Variants in ADGRB1 observed in about 807,000 individuals in gnomAD.
The protein encoded by ADGRB1 is adhesion G protein-coupled receptor B1, also known as brain-specific angiogenesis inhibitor 1.
A neutral mutation model predicts 175.7 loss-of-function variants in ADGRB1; 36 were observed. The ratio of observed to expected loss-of-function variants is 0.20; its 90% CI spans 0.16 to 0.27. The LOEUF is 0.27. Among genes scored for constraint, ADGRB1 ranks in the 10% least tolerant of loss-of-function variants. ADGRB1 has a pLI of 1.00. For synonymous variants in ADGRB1, 1,054 were observed against 979.4 expected (o/e 1.08, Z -1.42); for missense variants, 1,731 against 2,255.3 (o/e 0.77, Z 4.71).
chr8:142,453,556 T>C (rs1171345101), intron 1 of ADGRB1, among the ~76,000 whole-genome samples: 3 of 152,094 alleles, frequency 2.0e-5, no homozygotes, highest in Non-Finnish European at 4.4e-5. Flanking sequence ...GACTTCTGGG[T>C]AAACACGCAC....
At chr8:142,522,390 T>C (rs1312640586) in intron 21 of ADGRB1, among the ~76,000 whole-genome samples, 1 of 152,192 alleles carries the variant, frequency 6.6e-6, no homozygotes, top group East Asian at 1.9e-4. Context: ...AAAAAGATGA[T>C]TCCTGATTTC....
intron 18 of ADGRB1, among the ~76,000 whole-genome samples, chr8:142,515,689 G>T (rs533536150): frequency 6.6e-6 from 1 of 152,158 alleles, no homozygotes; most frequent in South Asian, 2.1e-4. Flanking sequence ...TCAGCTCTGC[G>T]CTGGTAAAGT....
chr8:142,484,593 G>T (rs1264884282), intron 12 of ADGRB1, 63 bp from the exon 13 acceptor site: 5 of 1,449,340 alleles, frequency 3.4e-6, no homozygotes, highest in East Asian at 2.4e-5. Context: ...GGGAAGGGAA[G>T]GAGGCAGGGG....
In ADGRB1 at chr8:142,464,432, G is replaced by T; in HGVS notation, c.234G>T (p.Arg78=). 6.4e-7 allele frequency: 1 copy of T among 1,564,456 alleles called. No homozygotes were observed. ...GGACGCTACGCAACCCGGACCCGCG[G>T]CGCTACACTCTCTACATGAAGGTGG... The part of the protein sequence containing the change: ...CSWTLRNPDP[R]RYTLYMKVAK... Residue 78 remains arginine (R), a synonymous_variant, in exon 2 of 31, where the codon CGG becomes CGT. Coordinates refer to ENST00000517894, the MANE Select transcript of ADGRB1 (RefSeq NM_001702.3).
chr8:142,522,534 T>A (rs1843912895), intron 21 of ADGRB1, 107 bp from the exon 22 acceptor site: 1 of 1,149,712 alleles, frequency 8.7e-7, no homozygotes, highest in Non-Finnish European at 1.2e-6. Context: ...GTTGGGGGCT[T>A]CAGAAGCGCC....
chr8:142,463,987 T>A lies in ADGRB1; in HGVS notation c.-212T>A. 1 of 378,624 alleles carries A rather than the reference T, an allele frequency of 2.6e-6. No individual in the cohort carries two copies. Among genetic ancestry groups the A allele is most frequent in the Non-Finnish European group, 4.6e-6 (1 of 219,058 alleles). 23.5% of individuals were successfully genotyped at this position (378,624 alleles called of 1,614,324 possible). A position where few individuals can be genotyped will look rare whatever the true frequency, so the allele number is the denominator to read the frequency against. On this transcript the variant is annotated 5_prime_UTR_variant, in exon 2 of 31. Coordinates refer to ENST00000517894, the MANE Select transcript of ADGRB1 (RefSeq NM_001702.3). ...CTGCTCTTTCTCTTCCAGCTGCTGC[T>A]GGTGGCCACAGGCTGGCACCAGGGC...
chr8:142,475,789 G>C (rs1464111248), intron 3 of ADGRB1, among the ~76,000 whole-genome samples, 154 bp downstream of exon 3: 2 of 146,900 alleles, frequency 1.4e-5, no homozygotes, highest in Non-Finnish European at 3.0e-5. Flanking sequence ...CTTGGGGGCG[G>C]GACCAGGTAG....
chr8:142,485,149 A>G (rs1444572346), intron 13 of ADGRB1, among the ~76,000 whole-genome samples: 1 of 152,052 alleles, frequency 6.6e-6, no homozygotes, highest in African/African-American at 2.4e-5. Context: ...AGGGGCCTGG[A>G]CTCCACCCAG....
intron 25 of ADGRB1, among the ~76,000 whole-genome samples, chr8:142,534,317 A>G (rs1214001333): frequency 1.3e-5 from 2 of 152,146 alleles, no homozygotes; most frequent in Non-Finnish European, 2.9e-5. Context: ...GGCGATTTCC[A>G]TCCCAGCCTG....
chr8:142,522,102 C>T lies in ADGRB1; in HGVS notation c.3162C>T (p.Leu1054=). ...LRNRLIRKRF[L]CLGWGLPALV... The stretch of plus-strand genomic sequence containing the variant: ...ACCGCCTCATCCGCAAGCGCTTCCT[C>T]TGCCTGGGCTGGGGTGAGCCGCGGC... Residue 1054 remains leucine (L), a synonymous_variant, in exon 21 of 31, where the codon CTC becomes CTT. Coordinates refer to ENST00000517894, the MANE Select transcript of ADGRB1 (RefSeq NM_001702.3). 1 of 1,610,228 alleles carries T rather than the reference C, an allele frequency of 6.2e-7. No homozygotes were observed. The highest frequency in any genetic ancestry group is 8.5e-7 in the Non-Finnish European group (1 of 1,179,682).
chr8:142,515,484 C>T (rs530605738), intron 18 of ADGRB1, among the ~76,000 whole-genome samples: 8 of 151,172 alleles, frequency 5.3e-5, no homozygotes, highest in East Asian at 3.9e-4. Context: ...CCAGGCCTAA[C>T]GAGGGCAGGC....
intron 18 of ADGRB1, among the ~76,000 whole-genome samples, chr8:142,516,996 C>T (rs1348368221): frequency 6.6e-6 from 1 of 152,182 alleles, no homozygotes; most frequent in Non-Finnish European, 1.5e-5. Context: ...TCGGGAATGG[C>T]AGGGTCTGTG....
At chr8:142,468,221 T>C (rs907056790) in intron 2 of ADGRB1, among the ~76,000 whole-genome samples, 32 of 152,042 alleles carry the variant, frequency 2.1e-4, no homozygotes, top group African/African-American at 3.9e-4. Context: ...TGTGTGTGTG[T>C]GTGTGCGTGT....
rs1011188066 is a variant in ADGRB1 at position 142,492,128 on chromosome 8, C to T, written c.2675+1313C>T. On this transcript the variant is annotated intron_variant, in intron 17 of 30. Coordinates refer to ENST00000517894, the MANE Select transcript of ADGRB1 (RefSeq NM_001702.3). This position sits in a 1 kb window ranked among gnomAD's most constrained non-coding sequence, Gnocchi z 4.4. ...TTAATCTATACCCACTGCCACCACC[C>T]TCCACCCACCAACCATCAACCCTCT... Among the ~76,000 whole-genome samples the T allele has an allele frequency of 1.8e-4, 27 of 151,994 alleles. No individual in the cohort carries two copies. Among genetic ancestry groups the T allele is most frequent in the Non-Finnish European group, 3.1e-4 (21 of 67,998 alleles).
At chr8:142,467,442 G>A (rs187235880) in intron 2 of ADGRB1, among the ~76,000 whole-genome samples, 26 of 152,310 alleles carry the variant, frequency 1.7e-4, no homozygotes, top group African/African-American at 6.0e-4. Flanking sequence ...ATGAAAGGAT[G>A]TGGACATGGG....
intron 1 of ADGRB1, among the ~76,000 whole-genome samples, chr8:142,462,671 C>T (rs905527514): frequency 2.6e-5 from 4 of 152,240 alleles, no homozygotes; most frequent in African/African-American, 9.6e-5. Context: ...GTCCCGTGGG[C>T]GGGCGACCGG....
At chr8:142,540,332 C>T (rs1845192868) in intron 27 of ADGRB1, among the ~76,000 whole-genome samples, 1 of 152,254 alleles carries the variant, frequency 6.6e-6, no homozygotes, top group African/African-American at 2.4e-5. Flanking sequence ...CTTGGGGTCT[C>T]CTGTGAACCA....
At chr8:142,518,539 C>G (rs561671256) in intron 19 of ADGRB1, among the ~76,000 whole-genome samples, 1 of 152,320 alleles carries the variant, frequency 6.6e-6, no homozygotes, top group Non-Finnish European at 1.5e-5. Flanking sequence ...TCCCTGTCTA[C>G]CCTTAGGCAT....
rs556959964 is a variant in ADGRB1 at position 142,455,826 on chromosome 8, C to T, written c.-220+5722C>T. Among the ~76,000 whole-genome samples the T allele has an allele frequency of 1.6e-3, 239 of 152,232 alleles. 4 individuals carry two copies. The highest frequency in any genetic ancestry group is 5.6e-3 in the African/African-American group (232 of 41,540). ...AGGCTTCCAAAGCCCACACCCCACCCCCGACCACCGGGCCCTGGGGGCACA... is the reference window on the plus strand; with the variant it reads ...AGGCTTCCAAAGCCCACACCCCACCTCCGACCACCGGGCCCTGGGGGCACA... On this transcript the variant is annotated intron_variant, in intron 1 of 30. Coordinates refer to ENST00000517894, the MANE Select transcript of ADGRB1 (RefSeq NM_001702.3). This position sits in a 1 kb window ranked among gnomAD's most constrained non-coding sequence, Gnocchi z 4.9.
Sources: gnomAD v4.1 joint callset for allele counts (sites outside exome capture counted in the v4.1 genomes callset) on GRCh38, gnomAD v4.1.1 for gene constraint, Gnocchi (gnomAD v3.1) non-coding constraint, MANE v1.5 for transcripts, NCBI Gene and HGNC (gene_info 2026-07-23, HGNC 2026-07-21) for gene names.